Variants in MYH9 observed in about 807,000 individuals in gnomAD.
The protein encoded by MYH9 is myosin heavy chain 9.
A neutral mutation model predicts 241.9 loss-of-function variants in MYH9; 29 were observed. The ratio of observed to expected loss-of-function variants is 0.12; its 90% CI spans 0.09 to 0.16. MYH9 has a LOEUF of 0.16. Ranked by LOEUF, MYH9 falls within the 10% of genes least tolerant of loss-of-function variation. The pLI, the probability that MYH9 is intolerant of heterozygous loss-of-function variation, is 1.00. For synonymous variants in MYH9, 1,047 were observed against 1,062.6 expected, an observed-to-expected ratio of 0.99 and a Z score of 0.29; for missense variants, 1,803 against 2,595.5, an observed-to-expected ratio of 0.69 and a Z score of 6.63.
Position 36,295,781 on chromosome 22 carries a change from G to A in MYH9, c.3273-64C>T, listed in dbSNP as rs147257450. ...TCACCTCCAAGGAGCAGAGTTTGCA[G>A]GACAGGCCTGAGAGAGCTGCAGCAG... On this transcript the variant is annotated intron_variant, in intron 25 of 40. Transcript: ENST00000216181. The surrounding 1 kb of genome is among the most constrained non-coding windows in gnomAD (Gnocchi z 4.1). The A allele has an allele frequency of 3.1e-5, 46 of 1,485,098 alleles. No homozygotes were observed. In the African/African-American group the frequency reaches 5.5e-4, roughly 18 times the overall value. 92.0% of individuals were successfully genotyped at this position (1,485,098 alleles called of 1,614,324 possible). A position where few individuals can be genotyped will look rare whatever the true frequency, so the allele number is the denominator to read the frequency against.
chr22:36,314,454 C>T, intron 12 of MYH9, 136 bp from the exon 13 acceptor site: 3 of 1,090,502 alleles, frequency 2.8e-6, no homozygotes, highest in South Asian at 2.7e-5. Context: ...CCTTTAGAGC[C>T]CGGATGCTCC....
rs577061158 is a variant in MYH9, at chr22:36,309,062, C to T, written c.1843+220G>A. Among the ~76,000 whole-genome samples, 6 of 152,320 alleles carry T rather than the reference C, an allele frequency of 3.9e-5. No homozygotes were observed. In the East Asian group the frequency reaches 7.7e-4, roughly 20 times the overall value. On this transcript the variant is annotated intron_variant, in intron 15 of 40. Coordinates refer to ENST00000216181, the MANE Select transcript of MYH9 (RefSeq NM_002473.6). Reference sequence around the variant, plus strand: ...ACTTTCCCACACACGGAAAGCGCTCCGCCCAGGAGGACCCGGCCACGGTGT... The same window carrying T: ...ACTTTCCCACACACGGAAAGCGCTCTGCCCAGGAGGACCCGGCCACGGTGT...
At chr22:36,342,812 A>G (rs1368721410) in intron 2 of MYH9, among the ~76,000 whole-genome samples, 1 of 152,148 alleles carries the variant, frequency 6.6e-6, no homozygotes, top group Admixed American at 6.5e-5. Flanking sequence ...GCACCACATC[A>G]CCTACGGCCC....
rs372051836 is a variant in MYH9 at position 36,284,178 on chromosome 22, G to A, written c.5680C>T (p.Arg1894Trp). The change falls in exon 40 of 41, where the codon CGG becomes TGG. Residue 1894 changes from arginine (R) to tryptophan (W), a missense_variant. Around this residue, in one of 11 missense-constraint regions of MYH9, gnomAD observed 876 missense variants for 1,077.8 expected, o/e 0.81. Transcript: ENST00000216181. ...EEAQRANASR[R>W]KLQRELEDAT... ...TCCTCCAGCTCGCGCTGCAGTTTCCGGCGGGAGGCGTTGGCCCGCTGGGCC... is the reference window on the plus strand; with the variant it reads ...TCCTCCAGCTCGCGCTGCAGTTTCCAGCGGGAGGCGTTGGCCCGCTGGGCC... The A allele has an allele frequency of 6.2e-7, 1 of 1,613,960 alleles. No individual in the cohort carries two copies. The highest frequency in any genetic ancestry group is 1.7e-5 in the Admixed American group (1 of 60,018).
In MYH9 at chr22:36,300,701, G is replaced by C. The variant is rs990800370; in HGVS notation, c.2838+150C>G. 1.4e-5 allele frequency: 12 copies of C among 865,292 alleles called. No homozygotes were observed. The African/African-American group carries it at 1.8e-4, about 13-fold the overall frequency. The allele number at this position is 865,292 out of a possible 1,614,324, so 53.6% of individuals were successfully genotyped here. On this transcript the variant is annotated intron_variant, in intron 22 of 40. Transcript: ENST00000216181. This position sits in a 1 kb window ranked among gnomAD's most constrained non-coding sequence, Gnocchi z 5.0. ...ATGTCACAAACTACCAGCCCAAAGGGAACACCTCTCACTGAGAGCCCCAAG... is the reference window on the plus strand; with the variant it reads ...ATGTCACAAACTACCAGCCCAAAGGCAACACCTCTCACTGAGAGCCCCAAG...
intron 2 of MYH9, among the ~76,000 whole-genome samples, chr22:36,348,629 C>G (rs928034385): frequency 3.2e-4 from 48 of 152,300 alleles, no homozygotes; most frequent in African/African-American, 1.1e-3. Flanking sequence ...GTGGCCATCC[C>G]TCAGACAGGG....
chr22:36,290,925 G>T (rs1031374491), intron 31 of MYH9, among the ~76,000 whole-genome samples: 2 of 151,794 alleles, frequency 1.3e-5, no homozygotes, highest in African/African-American at 4.8e-5. Context: ...CGCCCCGTCT[G>T]AGAGGTGAGG....
chr22:36,372,111 A>C (rs990345936), intron 1 of MYH9, among the ~76,000 whole-genome samples: 8 of 151,988 alleles, frequency 5.3e-5, no homozygotes, highest in African/African-American at 2.4e-5. Context: ...TCCCTGCCCC[A>C]CACCCCACTT....
chr22:36,282,605 G>T lies in MYH9; in HGVS notation c.*63C>A. The T allele has an allele frequency of 6.8e-7, 1 of 1,476,848 alleles. No individual in the cohort carries two copies. 91.5% of individuals were successfully genotyped at this position (1,476,848 alleles called of 1,614,324 possible). ...AAGGTGGGGAGAGGCGTGCTGCGGG[G>T]TCTGGGAAGGGGAGGCTGTGGTGTC... On this transcript the variant is annotated 3_prime_UTR_variant, in exon 41 of 41. Coordinates refer to ENST00000216181, the MANE Select transcript of MYH9 (RefSeq NM_002473.6).
chr22:36,283,472 G>A (rs1335156531), intron 40 of MYH9, among the ~76,000 whole-genome samples: 4 of 151,332 alleles, frequency 2.6e-5, no homozygotes, highest in Admixed American at 2.6e-4. Context: ...GGGAGGCAGA[G>A]GTTGCAGCAA....
chr22:36,290,991 C>CA (rs2016687252), intron 31 of MYH9, among the ~76,000 whole-genome samples: 5 of 151,162 alleles, frequency 3.3e-5, no homozygotes, highest in African/African-American at 1.2e-4. Flanking sequence ...CTCCGCCCGG[C>CA]GGCCACCCCG....
chr22:36,315,325 T>C (rs1338852532), intron 12 of MYH9, among the ~76,000 whole-genome samples: 2 of 152,120 alleles, frequency 1.3e-5, no homozygotes, highest in Admixed American at 6.5e-5. Flanking sequence ...AAAATAAAGA[T>C]GTAATTTTCT....
intron 1 of MYH9, among the ~76,000 whole-genome samples, chr22:36,362,013 G>A (rs936662356): frequency 6.6e-6 from 1 of 152,178 alleles, no homozygotes; most frequent in South Asian, 2.1e-4. Flanking sequence ...AGGTTGCAGT[G>A]AGCCGAAATT....
At chr22:36,350,130 T>C (rs1415288769) in intron 1 of MYH9, among the ~76,000 whole-genome samples, 1 of 152,202 alleles carries the variant, frequency 6.6e-6, no homozygotes, top group African/African-American at 2.4e-5. Flanking sequence ...TGGAGAATGC[T>C]AAGAGTGCTT....
At chr22:36,321,996 GACC>G in intron 6 of MYH9, 175 bp from the exon 7 acceptor site, 1 of 659,120 alleles carries the variant, frequency 1.5e-6, no homozygotes. Flanking sequence ...CACCACACGG[GACC>G]TCGGGACTCA....
chr22:36,282,801 G>A lies in MYH9; in HGVS notation c.5766-16C>T. 1 of 1,603,348 alleles carries A rather than the reference G, an allele frequency of 6.2e-7. No homozygotes were observed. The highest frequency in any genetic ancestry group is 8.5e-7 in the Non-Finnish European group (1 of 1,177,332). On this transcript the variant is annotated splice_polypyrimidine_tract_variant and intron_variant, in intron 40 of 40. Transcript: ENST00000216181. ...GTCCCCGCGCCTGGGGGCAGAGGTA[G>A]AAGCAGAGGGTCAGCGGGCCCGGCC...
At chr22:36,291,640 TCCCCCTCTGCGAGAAACA>T (rs1383358343) in intron 31 of MYH9, among the ~76,000 whole-genome samples, 1 of 106,650 alleles carries the variant, frequency 9.4e-6, no homozygotes, top group Non-Finnish European at 1.8e-5. Flanking sequence ...CCCTGCCAAA[TCCCCCTCTGCGAGAAACA>T]CCCAAGAATG....
Position 36,314,240 on chromosome 22 carries a change from G to A in MYH9, c.1459C>T (p.Leu487=). ...TCGCGCTGGTACTCCTCCTGCTCCA[G>A]GATGAACATGGTGTGGTTGAAGAGC... ...QQLFNHTMFI[L]EQEEYQREGI... is the part of the protein sequence containing the mutation. The change falls in exon 13 of 41, where the codon CTG becomes TTG. Residue 487 remains leucine (L), a synonymous_variant. Coordinates refer to ENST00000216181, the MANE Select transcript of MYH9 (RefSeq NM_002473.6). 1.2e-6 allele frequency: 2 copies of A among 1,614,254 alleles called. No homozygotes were observed. The highest frequency in any genetic ancestry group is 1.7e-6 in the Non-Finnish European group (2 of 1,180,040).
chr22:36,382,204 G>C (rs569570446), intron 1 of MYH9, among the ~76,000 whole-genome samples: 3 of 152,306 alleles, frequency 2.0e-5, no homozygotes, highest in Admixed American at 6.5e-5. Context: ...GCCAGGTGCG[G>C]TGGCTCACGC....
Sources: allele counts gnomAD v4.1 joint callset (sites outside exome capture counted in the v4.1 genomes callset), GRCh38; gene constraint gnomAD v4.1.1; regional missense constraint gnomAD v4.1.1; non-coding constraint Gnocchi (gnomAD v3.1); transcripts MANE v1.5; gene names NCBI Gene and HGNC (gene_info 2026-07-23, HGNC 2026-07-21).